The following PTPRT variants were observed in gnomAD, a reference collection of about 807,000 sequenced individuals.
PTPRT encodes receptor-type tyrosine-protein phosphatase T.
In PTPRT, 56 loss-of-function variants were observed where a neutral mutation model predicts 176.8. The observed-to-expected ratio is 0.32, with a 90% CI of 0.26 to 0.40. PTPRT has a LOEUF of 0.40. Among genes scored for constraint, PTPRT ranks in the 10% least tolerant of loss-of-function variants. The pLI, the probability that PTPRT is intolerant of heterozygous loss-of-function variation, is 1.00. For missense variants in PTPRT, 1,540 were observed against 1,908.2 expected, an observed-to-expected ratio of 0.81 and a Z score of 3.60; for synonymous variants, 783 against 739.0, an observed-to-expected ratio of 1.06 and a Z score of -0.96.
intron 8 of PTPRT, among the ~76,000 whole-genome samples, chr20:42,465,022 T>A (rs114459617): frequency 6.6e-6 from 1 of 152,096 alleles, no homozygotes; most frequent in African/African-American, 2.4e-5. Flanking sequence ...ATATGTTTTG[T>A]ATGTGATTAA....
chr20:42,795,388 T>C (rs2145566389), intron 2 of PTPRT, among the ~76,000 whole-genome samples: 1 of 152,350 alleles, frequency 6.6e-6, no homozygotes, highest in East Asian at 1.9e-4. Flanking sequence ...AGATCTCCTT[T>C]TTGGAGGCAA....
intron 8 of PTPRT, among the ~76,000 whole-genome samples, chr20:42,455,077 T>C (rs974663426): frequency 5.9e-5 from 9 of 152,300 alleles, no homozygotes; most frequent in African/African-American, 2.2e-4. Context: ...CTGAAACCAT[T>C]GTGATGATGA....
At chr20:42,435,140 G>A (rs2145814479) in intron 9 of PTPRT, among the ~76,000 whole-genome samples, 1 of 148,416 alleles carries the variant, frequency 6.7e-6, no homozygotes. Flanking sequence ...ATATATATAG[G>A]AGTGTGTGTG....
At chr20:42,645,862 C>G (rs1441817016) in intron 7 of PTPRT, among the ~76,000 whole-genome samples, 1 of 150,856 alleles carries the variant, frequency 6.6e-6, no homozygotes, top group East Asian at 1.9e-4. Flanking sequence ...GGTTACAAGC[C>G]AACAAAACTG....
intron 9 of PTPRT, among the ~76,000 whole-genome samples, chr20:42,437,220 C>T (rs771097362): frequency 5.3e-5 from 8 of 152,024 alleles, no homozygotes; most frequent in African/African-American, 1.7e-4. Flanking sequence ...ATGCACAGAC[C>T]AATACAGAAA....
At chr20:42,870,738 G>T (rs572425987) in intron 2 of PTPRT, among the ~76,000 whole-genome samples, 18 of 152,244 alleles carry the variant, frequency 1.2e-4, no homozygotes, top group African/African-American at 4.1e-4. Context: ...TCATATGGTG[G>T]TTCTATTTTT....
intron 15 of PTPRT, among the ~76,000 whole-genome samples, chr20:42,234,622 C>T (rs903011047): frequency 6.6e-5 from 10 of 152,214 alleles, no homozygotes; most frequent in African/African-American, 1.4e-4. Flanking sequence ...TCTCAGCTAA[C>T]GTTTCTAATA....
intron 12 of PTPRT, among the ~76,000 whole-genome samples, chr20:42,284,644 G>C (rs904097686): frequency 6.6e-6 from 1 of 151,922 alleles, no homozygotes; most frequent in African/African-American, 2.4e-5. Context: ...CTTGAGAATA[G>C]GTTCAAATTC....
rs1568731758 is a variant in PTPRT, at chr20:42,276,536, TATATATATATA to T, written c.2176+5942_2176+5952del. Among the ~76,000 whole-genome samples, 393 of 49,514 alleles carry T rather than the reference TATATATATATA, an allele frequency of 7.9e-3. 10 individuals are homozygous for T. The highest frequency in any genetic ancestry group is 0.023 in the African/African-American group (280 of 12,302). The allele number at this position is 49,514 out of a possible 152,430, so 32.5% of individuals were successfully genotyped here. A position where few individuals can be genotyped will look rare whatever the true frequency, so the allele number is the denominator to read the frequency against. On this transcript the variant is annotated intron_variant, in intron 13 of 30. Transcript: ENST00000373187. ...ATATATATATATATATATATATATA[TATATATATATA>T]TATATATATATAATGTTCTTGAATA...
At chr20:42,907,488 T>C (rs2079493475) in intron 1 of PTPRT, among the ~76,000 whole-genome samples, 1 of 152,084 alleles carries the variant, frequency 6.6e-6, no homozygotes, top group African/African-American at 2.4e-5. Context: ...GTTTTTCTCA[T>C]TGACTTGGAG....
At chr20:42,818,943 G>A (rs1448366825) in intron 2 of PTPRT, among the ~76,000 whole-genome samples, 2 of 152,214 alleles carry the variant, frequency 1.3e-5, no homozygotes, top group Non-Finnish European at 2.9e-5. Flanking sequence ...AGCAGAAAGA[G>A]ATGGGGAGAG....
At chr20:43,084,403 G>A (rs201984257) in intron 1 of PTPRT, among the ~76,000 whole-genome samples, 19 of 94,620 alleles carry the variant, frequency 2.0e-4, no homozygotes, top group Non-Finnish European at 6.6e-5. Context: ...GAAGGCAAAG[G>A]AGAAGCAAGA....
At chr20:42,511,150 C>G (rs2071948127) in intron 7 of PTPRT, among the ~76,000 whole-genome samples, 1 of 152,146 alleles carries the variant, frequency 6.6e-6, no homozygotes. Flanking sequence ...GGAGTCCTCA[C>G]CAATAAGAAG....
At chr20:43,076,902 C>A (rs1319101767) in intron 1 of PTPRT, among the ~76,000 whole-genome samples, 1 of 152,186 alleles carries the variant, frequency 6.6e-6, no homozygotes, top group Non-Finnish European at 1.5e-5. Flanking sequence ...TGCATCTCAG[C>A]TGGATTTCCA....
At chr20:42,172,951 A>G (rs1191919185) in intron 16 of PTPRT, among the ~76,000 whole-genome samples, 1 of 152,192 alleles carries the variant, frequency 6.6e-6, no homozygotes, top group Non-Finnish European at 1.5e-5. Context: ...CTAGGGATCG[A>G]CAAACTGGGA....
At chr20:42,383,585 T>C (rs2058716504) in intron 9 of PTPRT, among the ~76,000 whole-genome samples, 1 of 152,186 alleles carries the variant, frequency 6.6e-6, no homozygotes, top group African/African-American at 2.4e-5. Context: ...TCTGCAGTGT[T>C]TGATAAGTGG....
At chr20:42,624,030 A>AAAAAC (rs1555888334) in intron 7 of PTPRT, among the ~76,000 whole-genome samples, 54 of 145,750 alleles carry the variant, frequency 3.7e-4, no homozygotes, top group African/African-American at 1.3e-3. Flanking sequence ...CAAACAAAAA[A>AAAAAC]AAAAAACCCT....
chr20:42,244,140 G>A (rs149247373), intron 14 of PTPRT, among the ~76,000 whole-genome samples: 3 of 152,310 alleles, frequency 2.0e-5, no homozygotes, highest in African/African-American at 7.2e-5. Context: ...AGAAGGGAAA[G>A]CAAAGGCTAA....
intron 2 of PTPRT, among the ~76,000 whole-genome samples, chr20:42,849,999 A>G (rs1413535587): frequency 1.3e-5 from 2 of 152,172 alleles, no homozygotes; most frequent in Admixed American, 6.5e-5. Flanking sequence ...AGATTACACA[A>G]TGGATAAGCC....
Sources: gnomAD v4.1 joint callset for allele counts (sites outside exome capture counted in the v4.1 genomes callset) on GRCh38, gnomAD v4.1.1 for gene constraint, MANE v1.5 for transcripts, NCBI Gene and HGNC (gene_info 2026-07-23, HGNC 2026-07-21) for gene names.